GUCD1: variants seen among roughly 807,000 people sequenced by gnomAD.
GUCD1 encodes the protein guanylyl cyclase domain containing 1, also known as protein GUCD1.
In GUCD1, 17 loss-of-function variants were observed where a neutral mutation model predicts 28.3. That is an observed-to-expected ratio of 0.60 (90% confidence interval 0.41 to 0.90). The LOEUF (loss-of-function observed/expected upper bound fraction) is 0.90, where lower values mean the gene tolerates loss of function less well. Among genes scored for constraint, GUCD1 ranks in the 40% least tolerant of loss-of-function variants. The pLI, the probability that GUCD1 is intolerant of heterozygous loss-of-function variation, is 0.00. For synonymous variants in GUCD1, 129 were observed against 123.3 expected (o/e 1.05, Z -0.30); for missense variants, 279 against 305.5 (o/e 0.91, Z 0.65).
chr22:24,546,047 C>T (rs1601539558), intron 4 of GUCD1, among the ~76,000 whole-genome samples: 2 of 151,836 alleles, frequency 1.3e-5, no homozygotes, highest in South Asian at 4.2e-4. Flanking sequence ...CTGCAAGCTC[C>T]GCCTCCTGGG....
chr22:24,544,011 C>A lies in GUCD1; in HGVS notation c.459G>T (p.Gly153=). Residue 153 remains glycine (G), a synonymous_variant, in exon 5 of 6, where the codon GGG becomes GGT. Transcript: ENST00000435822. ...TGGAGCACAGGTCACAGTGCAGCAC[C>A]CCCGAGTTCACCAGCACGATGGCCA... is the stretch of plus-strand genomic sequence containing the variant. ...GHVAIVLVNS[G]VLHCDLCSSP... is the part of the protein sequence containing the mutation. 6.2e-7 allele frequency: 1 copy of A among 1,613,974 alleles called. No individual in the cohort carries two copies.
intron 1 of GUCD1, among the ~76,000 whole-genome samples, chr22:24,550,428 T>A (rs762285): frequency 0.97 from 147,629 of 152,304 alleles, 71,669 homozygotes; most frequent in Non-Finnish European, 1. Context: ...GCAAATGGGC[T>A]TGTGGCATGC....
At chr22:24,544,146 T>C in intron 4 of GUCD1, 63 bp from the exon 5 acceptor site, 1 of 1,567,446 alleles carries the variant, frequency 6.4e-7, no homozygotes, top group Non-Finnish European at 8.7e-7. Flanking sequence ...CTCAAATGGA[T>C]CCCTGCTTGT....
In GUCD1 at chr22:24,547,797, ATCTACCTGGGTG is replaced by A. The variant is rs144786641; in HGVS notation, c.294+99_294+110del. 2.1e-3 allele frequency: 2,310 copies of A among 1,115,038 alleles called. 34 individuals carry two copies. In the African/African-American group the frequency reaches 0.032, roughly 15 times the overall value. The allele number at this position is 1,115,038 out of a possible 1,614,324, so 69.1% of individuals were successfully genotyped here. On this transcript the variant is annotated intron_variant, in intron 3 of 5. Coordinates refer to ENST00000435822, the MANE Select transcript of GUCD1 (RefSeq NM_001284254.2). ...CTCCCTGGTCTCTGCACACCTGGGT[ATCTACCTGGGTG>A]TCTAGCCCTTGACTGTTCCCTCTTC... is the stretch of plus-strand genomic sequence containing the variant.
upstream of GUCD1, chr22:24,555,819 C>CA: frequency 6.5e-7 from 1 of 1,546,400 alleles, no homozygotes; most frequent in Non-Finnish European, 8.7e-7. Context: ...CCCCCGGGCC[C>CA]AGTCATCAGC....
upstream of GUCD1, chr22:24,555,194 C>T: frequency 7.7e-6 from 10 of 1,302,130 alleles, no homozygotes; most frequent in East Asian, 3.1e-5. Context: ...GAGGCCCCGC[C>T]CCCTCCTTAG....
intron 3 of GUCD1, 28 bp downstream of exon 3, chr22:24,547,880 T>C (rs200295566): frequency 1.2e-6 from 2 of 1,612,328 alleles, no homozygotes; most frequent in East Asian, 2.2e-5. Context: ...TGGCCCCACA[T>C]GGGAAGGCCT....
rs757721706 is a variant in GUCD1, at chr22:24,547,935, C to T, written c.267G>A (p.Leu89=). The change falls in exon 3 of 6, where the codon CTG becomes CTA. Residue 89 remains leucine (L), a synonymous_variant. Coordinates refer to ENST00000435822, the MANE Select transcript of GUCD1 (RefSeq NM_001284254.2). ...GGTTCTTGTAGCCCTTGTCGACACCCAGGGTCTGGGTACAGAAGCGGTGCC... is the reference window on the plus strand; with the variant it reads ...GGTTCTTGTAGCCCTTGTCGACACCTAGGGTCTGGGTACAGAAGCGGTGCC... ...GVRHRFCTQT[L]GVDKGYKNQS... is the part of the protein sequence containing the mutation. 2 of 1,614,158 alleles carry T rather than the reference C, an allele frequency of 1.2e-6. No homozygotes were observed. The highest frequency in any genetic ancestry group is 2.2e-5 in the South Asian group (2 of 91,082).
chr22:24,548,289 A>G (rs2044782635), intron 2 of GUCD1, among the ~76,000 whole-genome samples: 2 of 152,102 alleles, frequency 1.3e-5, no homozygotes, highest in African/African-American at 4.8e-5. Context: ...TGCTTCTCAA[A>G]TCTATTGTGT....
At chr22:24,544,595 G>A (rs2044678621) in intron 4 of GUCD1, among the ~76,000 whole-genome samples, 1 of 152,122 alleles carries the variant, frequency 6.6e-6, no homozygotes, top group African/African-American at 2.4e-5. Context: ...GCCCAGGAAG[G>A]GCTGGGCCAC....
chr22:24,555,458 C>G, upstream of GUCD1: 1 of 1,152,610 alleles, frequency 8.7e-7, no homozygotes, highest in South Asian at 1.5e-5. Flanking sequence ...TTTTGCCAGT[C>G]CTAGGTGTAA....
intron 1 of GUCD1, among the ~76,000 whole-genome samples, chr22:24,550,954 C>G (rs1035870092): frequency 2.0e-5 from 3 of 152,174 alleles, no homozygotes; most frequent in African/African-American, 7.2e-5. Flanking sequence ...TCCCAAGAGG[C>G]AGGGACCTAT....
At chr22:24,548,460 T>C (rs2044786333) in intron 2 of GUCD1, among the ~76,000 whole-genome samples, 1 of 152,214 alleles carries the variant, frequency 6.6e-6, no homozygotes, top group Admixed American at 6.5e-5. Flanking sequence ...GTAAAACAGA[T>C]GAAGATGCAG....
chr22:24,555,175 T>A (rs1461588072), upstream of GUCD1: 2 of 1,295,878 alleles, frequency 1.5e-6, no homozygotes, highest in Non-Finnish European at 2.0e-6. Context: ...CTTCCAGGTC[T>A]CGAATCTGGA....
In GUCD1 at chr22:24,541,689, C is replaced by T. The variant is rs1429034713; in HGVS notation, c.*1317G>A. 2 of 152,190 alleles carry T rather than the reference C, an allele frequency of 1.3e-5. No individual in the cohort carries two copies. The highest frequency in any genetic ancestry group is 4.8e-5 in the African/African-American group (2 of 41,522). 9.4% of individuals were successfully genotyped at this position (152,190 alleles called of 1,614,324 possible). On this transcript the variant is annotated 3_prime_UTR_variant, in exon 6 of 6. Transcript: ENST00000435822. ...TTAGGTGCAGACTGGGGTTCAAGAC[C>T]CAGCTCCACCACTGTCCTGAGCAGA...
Position 24,546,973 on chromosome 22 carries a change from C to G in GUCD1, c.327G>C (p.Glu109Asp), listed in dbSNP as rs2044744321. The part of the protein sequence containing the change: ...SFYRKHFDTE[E>D]TRVNQLFAQA... The stretch of plus-strand genomic sequence containing the variant: ...GTGCAAACAGCTGATTCACCCGGGT[C>G]TCTTCTGTGTCAAAGTGCTTCCTGT... Residue 109 changes from glutamate to aspartate, a missense_variant, in exon 4 of 6, where the codon GAG becomes GAC. Physicochemically the swap from Glu to Asp is conservative, Grantham distance 45. Coordinates refer to ENST00000435822, the MANE Select transcript of GUCD1 (RefSeq NM_001284254.2). 1.2e-6 allele frequency: 2 copies of G among 1,614,112 alleles called. No individual in the cohort carries two copies. Among genetic ancestry groups the G allele is most frequent in the Non-Finnish European group, 1.7e-6 (2 of 1,180,026 alleles).
rs2044596133 is a variant in GUCD1, at chr22:24,541,653, C to T, written c.*1353G>A. ...CAAAAAAAAAAAAAAAAATCCATTT[C>T]CTTTAGTTTTTTAGGTGCAGACTGG... is the stretch of plus-strand genomic sequence containing the variant. On this transcript the variant is annotated 3_prime_UTR_variant, in exon 6 of 6. Transcript: ENST00000435822. 1 of 150,226 alleles carries T rather than the reference C, an allele frequency of 6.7e-6. No individual in the cohort carries two copies. Among genetic ancestry groups the T allele is most frequent in the South Asian group, 2.1e-4 (1 of 4,768 alleles). The allele number at this position is 150,226 out of a possible 1,614,324, so 9.3% of individuals were successfully genotyped here.
intron 3 of GUCD1, chr22:24,547,339 G>A (rs897649837): frequency 2.0e-5 from 6 of 298,828 alleles, no homozygotes; most frequent in Non-Finnish European, 3.2e-5. Flanking sequence ...ATAAGCAAGG[G>A]GGATGAGGCT....
chr22:24,545,396 T>C (rs983875255), intron 4 of GUCD1, among the ~76,000 whole-genome samples: 11 of 152,204 alleles, frequency 7.2e-5, no homozygotes, highest in African/African-American at 2.6e-4. Context: ...ATAACAAGCA[T>C]GGGTTCAGAT....
Sources: allele counts gnomAD v4.1 joint callset (sites outside exome capture counted in the v4.1 genomes callset), GRCh38; gene constraint gnomAD v4.1.1; transcripts MANE v1.5; gene names NCBI Gene and HGNC (gene_info 2026-07-23, HGNC 2026-07-21).